The following MAPK8 variants were observed in gnomAD, a reference collection of about 807,000 sequenced individuals.
The protein encoded by MAPK8 is mitogen-activated protein kinase 8.
Under a neutral mutation model 52.9 loss-of-function variants are expected in MAPK8, and 13 were observed. The observed-to-expected ratio is 0.25, with a 90% confidence interval of 0.16 to 0.39. The LOEUF (loss-of-function observed/expected upper bound fraction) is 0.39, where lower values mean the gene tolerates loss of function less well. MAPK8 is among the 10% of genes least tolerant of loss of function. The pLI is 1.00. For missense variants in MAPK8, 300 were observed against 519.2 expected, an observed-to-expected ratio of 0.58 and a Z score of 4.10; for synonymous variants, 191 against 169.8, an observed-to-expected ratio of 1.12 and a Z score of -0.97.
intron 1 of MAPK8, among the ~76,000 whole-genome samples, chr10:48,391,328 A>T (rs959088098): frequency 6.6e-6 from 1 of 152,202 alleles, no homozygotes. Flanking sequence ...AATCAGTTAC[A>T]TCTAAATTCT....
At chr10:48,414,715 A>G (rs2042968919) in intron 5 of MAPK8, among the ~76,000 whole-genome samples, 1 of 151,310 alleles carries the variant, frequency 6.6e-6, no homozygotes, top group South Asian at 2.1e-4. Flanking sequence ...AGCTAAGACT[A>G]TGGACATGTA....
In MAPK8 at chr10:48,436,061, A is replaced by T. The variant is rs568793179; in HGVS notation, c.*1032A>T. ...TTGTTCTGGTGTTTCATTTGATTCTACTTGTAGCATAATCATTTATACGAG... is the reference window on the plus strand; with the variant it reads ...TTGTTCTGGTGTTTCATTTGATTCTTCTTGTAGCATAATCATTTATACGAG... On this transcript the variant is annotated 3_prime_UTR_variant, in exon 12 of 12. Coordinates refer to ENST00000374189, the MANE Select transcript of MAPK8 (RefSeq NM_001323329.2). The T allele has an allele frequency of 1.3e-5, 2 of 152,082 alleles. No homozygotes were observed. 9.4% of individuals were successfully genotyped at this position (152,082 alleles called of 1,614,324 possible). A position where few individuals can be genotyped will look rare whatever the true frequency, so the allele number is the denominator to read the frequency against.
intron 1 of MAPK8, among the ~76,000 whole-genome samples, chr10:48,378,737 TTATA>T (rs906388649): frequency 1.3e-5 from 2 of 151,512 alleles, no homozygotes; most frequent in African/African-American, 4.8e-5. Flanking sequence ...AAATACATAA[TTATA>T]TATATATAAA....
At chr10:48,355,861 T>A (rs1846867231) in intron 1 of MAPK8, among the ~76,000 whole-genome samples, 1 of 152,180 alleles carries the variant, frequency 6.6e-6, no homozygotes, top group African/African-American at 2.4e-5. Context: ...GAAAAGATCT[T>A]TGATATATCT....
chr10:48,334,243 A>G (rs771468607), intron 1 of MAPK8, among the ~76,000 whole-genome samples: 11 of 152,106 alleles, frequency 7.2e-5, no homozygotes, highest in Admixed American at 4.6e-4. Flanking sequence ...TTGTCCCCTA[A>G]GCCTAGAATT....
intron 2 of MAPK8, among the ~76,000 whole-genome samples, chr10:48,403,828 A>G (rs1370574859): frequency 6.6e-6 from 1 of 151,266 alleles, no homozygotes; most frequent in Non-Finnish European, 1.5e-5. Flanking sequence ...GGCTCACTGC[A>G]AGCTCCGCCT....
At chr10:48,418,106 A>G (rs988320059) in intron 5 of MAPK8, among the ~76,000 whole-genome samples, 4 of 152,194 alleles carry the variant, frequency 2.6e-5, no homozygotes, top group Non-Finnish European at 5.9e-5. Flanking sequence ...CACTTTCTTT[A>G]CAAAGCAGGC....
intron 1 of MAPK8, among the ~76,000 whole-genome samples, chr10:48,365,389 G>A (rs1039684882): frequency 5.3e-5 from 8 of 152,058 alleles, no homozygotes; most frequent in Non-Finnish European, 1.5e-5. Flanking sequence ...CCAGTAATGC[G>A]AACTGAACCC....
intron 10 of MAPK8, among the ~76,000 whole-genome samples, chr10:48,427,642 C>A (rs2043768220): frequency 6.6e-6 from 1 of 152,124 alleles, no homozygotes; most frequent in African/African-American, 2.4e-5. Context: ...CAGGCGCCTG[C>A]CATCACACCC....
At chr10:48,403,456 TA>T (rs568314320) in intron 2 of MAPK8, among the ~76,000 whole-genome samples, 618 of 131,188 alleles carry the variant, frequency 4.7e-3, no homozygotes, top group Admixed American at 6.7e-3. Flanking sequence ...AGACTCCGTC[TA>T]AAAAAAAAAA....
At chr10:48,352,833 G>A (rs925396965) in intron 1 of MAPK8, among the ~76,000 whole-genome samples, 2 of 152,106 alleles carry the variant, frequency 1.3e-5, no homozygotes, top group Non-Finnish European at 2.9e-5. Flanking sequence ...CTTCCTTTTC[G>A]CCTGTGACGT....
chr10:48,411,182 T>C (rs758635845), intron 5 of MAPK8, among the ~76,000 whole-genome samples: 2 of 152,232 alleles, frequency 1.3e-5, no homozygotes, highest in Non-Finnish European at 2.9e-5. Context: ...TGTATAAGAA[T>C]CCATTGTCAA....
At chr10:48,401,930 T>C in intron 2 of MAPK8, 148 bp downstream of exon 2, 1 of 580,868 alleles carries the variant, frequency 1.7e-6, no homozygotes, top group Non-Finnish European at 2.7e-6. Context: ...CCACAGTAAA[T>C]TGTTTGCTTC....
rs748451475 is a variant in MAPK8 at position 48,435,024 on chromosome 10, A to G, written c.1279A>G (p.Arg427Gly). Residue 427 changes from arginine (R) to glycine (G), a missense_variant, in exon 12 of 12, where the codon AGA (arginine) becomes GGA (glycine). Transcript: ENST00000374189. ...EAAAGPLGCC[R>G] ...AGCAGCTGGGCCTCTGGGCTGCTGT[A>G]GATGACTACTTGGGCCATCGGGGGG... 9.5e-7 allele frequency: 1 copy of G among 1,048,326 alleles called. No individual in the cohort carries two copies. The highest frequency in any genetic ancestry group is 1.3e-5 in the South Asian group (1 of 79,648). The allele number at this position is 1,048,326 out of a possible 1,614,324, so 64.9% of individuals were successfully genotyped here.
chr10:48,368,298 A>G (rs183245711), intron 1 of MAPK8, among the ~76,000 whole-genome samples: 42 of 152,352 alleles, frequency 2.8e-4, no homozygotes, highest in Admixed American at 9.1e-4. Flanking sequence ...ATGTGCTGCC[A>G]TGGAGAAAGA....
intron 11 of MAPK8, among the ~76,000 whole-genome samples, chr10:48,431,582 A>G (rs189057473): frequency 5.5e-4 from 83 of 152,292 alleles, no homozygotes; most frequent in African/African-American, 1.9e-3. Context: ...ATACCTTTCT[A>G]TGATCTTGAC....
At chr10:48,398,279 G>A (rs985390556) in intron 1 of MAPK8, among the ~76,000 whole-genome samples, 4 of 151,994 alleles carry the variant, frequency 2.6e-5, no homozygotes, top group South Asian at 2.1e-4. Context: ...GAAGACAGCC[G>A]TATTTTTACA....
intron 1 of MAPK8, among the ~76,000 whole-genome samples, chr10:48,392,155 ATTC>A (rs1015582746): frequency 6.6e-6 from 1 of 152,298 alleles, no homozygotes; most frequent in Non-Finnish European, 1.5e-5. Context: ...GTCTGTCCAA[ATTC>A]TTCTTAGCCT....
At chr10:48,377,036 C>T (rs770217414) in intron 1 of MAPK8, among the ~76,000 whole-genome samples, 25 of 152,084 alleles carry the variant, frequency 1.6e-4, no homozygotes, top group African/African-American at 2.2e-4. Flanking sequence ...ACTCCACAGC[C>T]ATAAAAAGGA....
Sources: gnomAD v4.1 joint callset for allele counts (sites outside exome capture counted in the v4.1 genomes callset) on GRCh38, gnomAD v4.1.1 for gene constraint, MANE v1.5 for transcripts, NCBI Gene and HGNC (gene_info 2026-07-23, HGNC 2026-07-21) for gene names.